Variants in SDK2 observed in about 807,000 individuals in gnomAD.
The protein encoded by SDK2 is sidekick cell adhesion molecule 2.
Under a neutral mutation model 253.9 loss-of-function variants are expected in SDK2, and 105 were observed. The ratio of observed to expected loss-of-function variants is 0.41; its 90% CI spans 0.35 to 0.49. The LOEUF (loss-of-function observed/expected upper bound fraction) is 0.49. SDK2 is among the 20% of genes least tolerant of loss of function. The pLI, the probability that SDK2 is intolerant of heterozygous loss-of-function variation, is 0.06. For synonymous variants in SDK2, 1,249 were observed against 1,234.9 expected (o/e 1.01, Z -0.24); for missense variants, 2,608 against 3,003.0 (o/e 0.87, Z 3.07).
At position 73,401,754 on chromosome 17, in the gene SDK2, T is replaced by C; in HGVS notation, c.2681-2A>G. 1 of 1,570,824 alleles carries C rather than the reference T, an allele frequency of 6.4e-7. No individual in the cohort carries two copies. Among genetic ancestry groups the C allele is most frequent in the East Asian group, 2.3e-5 (1 of 43,022 alleles). Reference sequence around the variant, plus strand: ...TCAGGTGTCCCACGGGCCCAGGCACTGCACCCCAAAAGGAACCCCCACCCC... The same window carrying C: ...TCAGGTGTCCCACGGGCCCAGGCACCGCACCCCAAAAGGAACCCCCACCCC... On this transcript the variant is annotated splice_acceptor_variant, in intron 19 of 44. Coordinates refer to ENST00000392650, the MANE Select transcript of SDK2 (RefSeq NM_001144952.2). LOFTEE classifies it high-confidence loss of function.
At chr17:73,548,050 C>G (rs889733433) in intron 1 of SDK2, among the ~76,000 whole-genome samples, 1 of 152,156 alleles carries the variant, frequency 6.6e-6, no homozygotes, top group African/African-American at 2.4e-5. Flanking sequence ...CTCACTATTA[C>G]GAGAACGGCG....
intron 1 of SDK2, among the ~76,000 whole-genome samples, chr17:73,532,350 A>G (rs535587479): frequency 6.6e-6 from 1 of 152,280 alleles, no homozygotes; most frequent in South Asian, 2.1e-4. Flanking sequence ...GTAGGCCCGC[A>G]TCGTGTGTCT....
chr17:73,347,055 T>C lies in SDK2; in HGVS notation c.6165+1544A>G, dbSNP rs114101382. Among the ~76,000 whole-genome samples, 300 of 152,274 alleles carry C rather than the reference T, an allele frequency of 2.0e-3. 2 individuals are homozygous for C. Among genetic ancestry groups the C allele is most frequent in the African/African-American group, 6.9e-3 (285 of 41,558 alleles). ...TGAGTGGCAGCAGCACTGACTTATT[T>C]AGGAGCCTCATAAGGACCACAGTGG... On this transcript the variant is annotated intron_variant, in intron 44 of 44. Transcript: ENST00000392650.
At chr17:73,421,802 C>T (rs903475638) in intron 15 of SDK2, among the ~76,000 whole-genome samples, 13 of 151,978 alleles carry the variant, frequency 8.6e-5, no homozygotes, top group African/African-American at 3.1e-4. Flanking sequence ...CTCAGGTGAT[C>T]CGCCCGCCTC....
intron 3 of SDK2, among the ~76,000 whole-genome samples, chr17:73,456,528 C>T (rs2063526902): frequency 6.6e-6 from 1 of 152,132 alleles, no homozygotes; most frequent in African/African-American, 2.4e-5. Flanking sequence ...GGTTTCTGTG[C>T]CCTTTCAGGG....
intron 1 of SDK2, among the ~76,000 whole-genome samples, chr17:73,640,764 T>C (rs1222200010): frequency 2.6e-5 from 4 of 152,216 alleles, no homozygotes; most frequent in African/African-American, 9.6e-5. Flanking sequence ...GTTCCAGTCC[T>C]CTTTCAGGGT....
chr17:73,619,986 C>G (rs970403799), intron 1 of SDK2, among the ~76,000 whole-genome samples: 1 of 152,094 alleles, frequency 6.6e-6, no homozygotes, highest in Non-Finnish European at 1.5e-5. Flanking sequence ...TTTGCTTGAG[C>G]CCAGGAGTTC....
chr17:73,421,909 C>T (rs1422019157), intron 15 of SDK2, among the ~76,000 whole-genome samples: 1 of 152,002 alleles, frequency 6.6e-6, no homozygotes, highest in African/African-American at 2.4e-5. Flanking sequence ...CAGGGCCTGG[C>T]GTCGTGCAAG....
Position 73,426,852 on chromosome 17 carries a change from C to T in SDK2, c.1584-2760G>A, listed in dbSNP as rs191885395. Among the ~76,000 whole-genome samples the T allele has an allele frequency of 6.7e-3, 1,025 of 151,924 alleles. 15 individuals carry two copies. Among genetic ancestry groups the T allele is most frequent in the African/African-American group, 0.022 (920 of 41,426 alleles). ...CTGTAATCCTAGCACTTTGGGAGGC[C>T]GAGGCTGGCGGATCATGAGGTCAGG... On this transcript the variant is annotated intron_variant, in intron 12 of 44. Transcript: ENST00000392650.
rs1475248413 is a variant in SDK2, at chr17:73,618,660, A to C, written c.64+25365T>G. Among the ~76,000 whole-genome samples the C allele has an allele frequency of 6.6e-6, 1 of 152,190 alleles. No homozygotes were observed. The highest frequency in any genetic ancestry group is 1.9e-4 in the East Asian group (1 of 5,192). ...CGGCATGGGGGAGTCAGGGAAGCAG[A>C]GGCCAAGCAAGACTCTTCTACAGGG... On this transcript the variant is annotated intron_variant, in intron 1 of 44. Transcript: ENST00000392650. This position sits in a 1 kb window ranked among gnomAD's most constrained non-coding sequence, Gnocchi z 4.1.
intron 1 of SDK2, among the ~76,000 whole-genome samples, chr17:73,528,802 C>T (rs990505318): frequency 2.0e-5 from 3 of 152,184 alleles, no homozygotes; most frequent in African/African-American, 7.2e-5. Flanking sequence ...TTTTATTTCC[C>T]GGTGAGAGGA....
chr17:73,602,815 C>A (rs962510079), intron 1 of SDK2, among the ~76,000 whole-genome samples: 1 of 152,072 alleles, frequency 6.6e-6, no homozygotes, highest in African/African-American at 2.4e-5. Context: ...CAAGCTCCAC[C>A]TCCCAGGTCC....
Position 73,388,023 on chromosome 17 carries a change from G to A in SDK2, c.4207C>T (p.Pro1403Ser). The change falls in exon 30 of 45, where the codon CCC becomes TCC. Residue 1403 changes from proline to serine, a missense_variant. This residue lies in a region of SDK2 where 1,103 missense variants were observed against 1,143.9 expected (regional missense o/e 0.96). Transcript: ENST00000392650. ...TTEKRDRPQP[P>S]SRPMVQQEDV... ...TCCTGCTGCACCATCGGCCTGCTGG[G>A]GGGCTGCGGACGGTCTGGGAGGTGG... 1 of 1,567,412 alleles carries A rather than the reference G, an allele frequency of 6.4e-7. No homozygotes were observed. Among genetic ancestry groups the A allele is most frequent in the Non-Finnish European group, 8.6e-7 (1 of 1,157,070 alleles).
At chr17:73,412,114 A>ATGTGTATG (rs1199317711) in intron 18 of SDK2, among the ~76,000 whole-genome samples, 1 of 102,810 alleles carries the variant, frequency 9.7e-6, no homozygotes, top group Non-Finnish European at 2.0e-5. Context: ...ATACGTATAT[A>ATGTGTATG]TGTATACGTA....
chr17:73,632,390 C>T (rs1171777970), intron 1 of SDK2, among the ~76,000 whole-genome samples: 5 of 152,182 alleles, frequency 3.3e-5, no homozygotes, highest in African/African-American at 9.7e-5. Flanking sequence ...TCTTTCTCCC[C>T]GTGTGAGAGG....
At chr17:73,459,879 G>A (rs1183683996) in intron 3 of SDK2, among the ~76,000 whole-genome samples, 2 of 152,100 alleles carry the variant, frequency 1.3e-5, no homozygotes, top group African/African-American at 4.8e-5. Context: ...TCTATAAAAT[G>A]GAGTTAAGAA....
chr17:73,377,222 CT>C (rs1193747847), intron 36 of SDK2, among the ~76,000 whole-genome samples: 173 of 133,878 alleles, frequency 1.3e-3, no homozygotes, highest in East Asian at 3.4e-3. Flanking sequence ...TTTTTTTTTT[CT>C]TTTTTTTTTT....
rs2063719899 is a variant in SDK2 at position 73,481,021 on chromosome 17, T to A, written c.225-8803A>T. ...GTGGATGGTACTTGGGGAAGGATGC[T>A]GTGCTCCTGGCTGGGAGGCTACAGG... On this transcript the variant is annotated intron_variant, in intron 2 of 44. Transcript: ENST00000392650. The surrounding 1 kb of genome is among the most constrained non-coding windows in gnomAD (Gnocchi z 4.5). Among the ~76,000 whole-genome samples the A allele has an allele frequency of 1.3e-5, 2 of 152,204 alleles. No homozygotes were observed. The highest frequency in any genetic ancestry group is 4.1e-4 in the South Asian group (2 of 4,836).
chr17:73,476,240 CTGTGTATTG>C (rs2063685081), intron 2 of SDK2, among the ~76,000 whole-genome samples: 1 of 152,208 alleles, frequency 6.6e-6, no homozygotes, highest in Non-Finnish European at 1.5e-5. Context: ...ATATATATTT[CTGTGTATTG>C]TGTGTATACA....
Sources: gnomAD v4.1 joint callset for allele counts (sites outside exome capture counted in the v4.1 genomes callset) on GRCh38, gnomAD v4.1.1 for gene constraint, gnomAD v4.1.1 regional missense constraint, Gnocchi (gnomAD v3.1) non-coding constraint, MANE v1.5 for transcripts, NCBI Gene and HGNC (gene_info 2026-07-23, HGNC 2026-07-21) for gene names.